Variants in NUP93 observed in about 807,000 individuals in gnomAD.
NUP93 encodes nucleoporin 93, also known as nuclear pore complex protein Nup93.
A neutral mutation model predicts 107.8 loss-of-function variants in NUP93; 55 were observed. The ratio of observed to expected loss-of-function variants is 0.51; its 90% CI spans 0.41 to 0.64. The LOEUF is 0.64. NUP93 is among the 30% of genes least tolerant of loss of function. The pLI is 0.00. For missense variants in NUP93, 937 were observed against 1,044.7 expected, an observed-to-expected ratio of 0.90 and a Z score of 1.42; for synonymous variants, 390 against 397.5, an observed-to-expected ratio of 0.98 and a Z score of 0.22.
intron 5 of NUP93, among the ~76,000 whole-genome samples, chr16:56,806,660 A>G (rs1963148570): frequency 6.6e-6 from 1 of 152,158 alleles, no homozygotes; most frequent in South Asian, 2.1e-4. Flanking sequence ...GGGCCTCTAT[A>G]TTGTGCTGCT....
intron 3 of NUP93, among the ~76,000 whole-genome samples, chr16:56,779,102 C>T (rs774698699): frequency 2.9e-4 from 44 of 152,102 alleles, no homozygotes; most frequent in Non-Finnish European, 5.1e-4. Flanking sequence ...AAGCACTTAC[C>T]CACCAGTACT....
At chr16:56,821,824 C>A (rs1404050677) in intron 7 of NUP93, among the ~76,000 whole-genome samples, 1 of 151,626 alleles carries the variant, frequency 6.6e-6, no homozygotes, top group Non-Finnish European at 1.5e-5. Context: ...CACAAGAGTT[C>A]TCTTCAAGCC....
At chr16:56,815,886 GCTGCTGCTGCTGGTGC>G (rs1963414889) in intron 5 of NUP93, among the ~76,000 whole-genome samples, 1 of 139,410 alleles carries the variant, frequency 7.2e-6, no homozygotes, top group Admixed American at 7.1e-5. Flanking sequence ...TGCTGCTGCT[GCTGCTGCTGCTGGTGC>G]TGCTGCTGCT....
Position 56,833,407 on chromosome 16 carries a change from G to A in NUP93, c.1537+1G>A, listed in dbSNP as rs138909849. On this transcript the variant is annotated splice_donor_variant, in intron 13 of 21. Transcript: ENST00000308159. LOFTEE classifies it high-confidence loss of function. ...TCCTCTGGACAGAGTGCTCAGCTCCGTGAGTATTTGGGATTGGATTGACAG... is the reference window on the plus strand; with the variant it reads ...TCCTCTGGACAGAGTGCTCAGCTCCATGAGTATTTGGGATTGGATTGACAG... The A allele has an allele frequency of 4.0e-6, 6 of 1,518,982 alleles. No individual in the cohort carries two copies. The highest frequency in any genetic ancestry group is 1.4e-5 in the African/African-American group (1 of 69,272). The allele number at this position is 1,518,982 out of a possible 1,614,324, so 94.1% of individuals were successfully genotyped here. A position where few individuals can be genotyped will look rare whatever the true frequency, so the allele number is the denominator to read the frequency against.
chr16:56,744,828 T>C (rs1457567812), intron 1 of NUP93, among the ~76,000 whole-genome samples: 1 of 152,182 alleles, frequency 6.6e-6, no homozygotes, highest in East Asian at 1.9e-4. Context: ...TAAGTATCAG[T>C]TGGTAGTCTG....
chr16:56,839,704 A>G, intron 20 of NUP93, 100 bp downstream of exon 20: 6 of 941,226 alleles, frequency 6.4e-6, no homozygotes, highest in Non-Finnish European at 1.0e-5. Flanking sequence ...TTCTAGTTAC[A>G]GTAACTATCC....
At chr16:56,832,179 C>T in intron 11 of NUP93, 116 bp from the exon 12 acceptor site, 2 of 1,242,796 alleles carry the variant, frequency 1.6e-6, no homozygotes, top group African/African-American at 1.5e-5. Context: ...TAACCATAGC[C>T]TTAAACACAG....
At chr16:56,836,206 T>A (rs1963907122) in intron 16 of NUP93, among the ~76,000 whole-genome samples, 1 of 152,130 alleles carries the variant, frequency 6.6e-6, no homozygotes, top group African/African-American at 2.4e-5. Flanking sequence ...GCCATCTGTC[T>A]TAGAAAGCAA....
intron 20 of NUP93, among the ~76,000 whole-genome samples, chr16:56,840,102 G>A (rs1963992583): frequency 6.6e-6 from 1 of 152,012 alleles, no homozygotes; most frequent in Non-Finnish European, 1.5e-5. Flanking sequence ...CTCACTGCAA[G>A]CTCTACCTCC....
chr16:56,795,418 G>T (rs1962874918), intron 3 of NUP93, among the ~76,000 whole-genome samples: 1 of 152,120 alleles, frequency 6.6e-6, no homozygotes, highest in African/African-American at 2.4e-5. Flanking sequence ...TGGGTCCCCT[G>T]TGATAGCCAA....
intron 1 of NUP93, among the ~76,000 whole-genome samples, chr16:56,734,972 C>T (rs1393184548): frequency 6.6e-6 from 1 of 152,158 alleles, no homozygotes; most frequent in Admixed American, 6.6e-5. Flanking sequence ...AACCTGTGTA[C>T]CAGTTGGTCC....
chr16:56,803,969 C>A (rs1407501793), intron 4 of NUP93, among the ~76,000 whole-genome samples: 1 of 152,006 alleles, frequency 6.6e-6, no homozygotes, highest in Non-Finnish European at 1.5e-5. Flanking sequence ...CCAGGGTGGT[C>A]TTGAACTCTT....
At chr16:56,816,851 C>A (rs1283519624) in intron 5 of NUP93, among the ~76,000 whole-genome samples, 1 of 152,118 alleles carries the variant, frequency 6.6e-6, no homozygotes, top group Non-Finnish European at 1.5e-5. Context: ...ACCGCAGACA[C>A]CAGCAATGCT....
intron 1 of NUP93, among the ~76,000 whole-genome samples, chr16:56,743,735 C>T (rs1434651201): frequency 6.6e-6 from 1 of 152,148 alleles, no homozygotes; most frequent in Non-Finnish European, 1.5e-5. Context: ...TGAAGCCTTC[C>T]TCATCCTTCC....
chr16:56,828,927 G>A (rs774586533), intron 8 of NUP93, 50 bp from the exon 9 acceptor site: 8 of 1,586,748 alleles, frequency 5.0e-6, no homozygotes, highest in Admixed American at 3.4e-5. Context: ...ATAGAGATGT[G>A]TAATAAATGT....
rs1178333896 is a variant in NUP93 at position 56,798,526 on chromosome 16, G to A, written c.348G>A (p.Glu116=). Residue 116 remains glutamate (E), a synonymous_variant, in exon 4 of 22, where the codon GAG becomes GAA. Coordinates refer to ENST00000308159, the MANE Select transcript of NUP93 (RefSeq NM_014669.5). ...KDNALLSAIE[E]SRKRTFGMAE... is the part of the protein sequence containing the mutation. ...ATGCCCTGCTGTCTGCCATCGAAGA[G>A]TCCCGGAAGAGGGTAAGAAAATTAA... 23 of 1,614,108 alleles carry A rather than the reference G, an allele frequency of 1.4e-5. No homozygotes were observed. The highest frequency in any genetic ancestry group is 1.9e-5 in the Non-Finnish European group (23 of 1,179,946).
intron 1 of NUP93, among the ~76,000 whole-genome samples, chr16:56,737,330 G>T (rs2144432735): frequency 6.6e-6 from 1 of 152,212 alleles, no homozygotes; most frequent in South Asian, 2.1e-4. Flanking sequence ...AAGCTTTCTG[G>T]TGTGTCTAAG....
At chr16:56,802,984 CCTTT>C (rs1942398075) in intron 4 of NUP93, among the ~76,000 whole-genome samples, 1 of 149,456 alleles carries the variant, frequency 6.7e-6, no homozygotes, top group South Asian at 2.1e-4. Flanking sequence ...CCCCAGACTT[CCTTT>C]CTTTTTTATT....
At chr16:56,773,314 A>G (rs1955835515) in intron 3 of NUP93, among the ~76,000 whole-genome samples, 1 of 152,238 alleles carries the variant, frequency 6.6e-6, no homozygotes, top group Non-Finnish European at 1.5e-5. Flanking sequence ...CTATTTGTTA[A>G]CTATTCATTC....
Sources: gnomAD v4.1 joint callset for allele counts (sites outside exome capture counted in the v4.1 genomes callset) on GRCh38, gnomAD v4.1.1 for gene constraint, MANE v1.5 for transcripts, NCBI Gene and HGNC (gene_info 2026-07-23, HGNC 2026-07-21) for gene names.